SCCPDH: variants seen among roughly 807,000 people sequenced by gnomAD.
The protein encoded by SCCPDH is saccharopine dehydrogenase-like oxidoreductase.
SCCPDH carries 34 observed loss-of-function variants against 51.5 expected under a neutral mutation model. The ratio of observed to expected loss-of-function variants is 0.66; its 90% CI spans 0.50 to 0.88. SCCPDH has a LOEUF of 0.88. SCCPDH is among the 40% of genes least tolerant of loss of function. The pLI, the probability that SCCPDH is intolerant of heterozygous loss-of-function variation, is 0.00. For synonymous variants in SCCPDH, 187 were observed against 191.3 expected (o/e 0.98, Z 0.19); for missense variants, 464 against 527.1 (o/e 0.88, Z 1.17).
At chr1:246,754,780 G>T (rs1433811878) in intron 5 of SCCPDH, among the ~76,000 whole-genome samples, 2 of 152,178 alleles carry the variant, frequency 1.3e-5, no homozygotes, top group Non-Finnish European at 2.9e-5. Context: ...CTATAAGGTT[G>T]GTAATAATGT....
At chr1:246,735,035 C>T (rs775824385) in intron 2 of SCCPDH, among the ~76,000 whole-genome samples, 9 of 152,170 alleles carry the variant, frequency 5.9e-5, no homozygotes, top group Non-Finnish European at 1.0e-4. Flanking sequence ...TTCTTGGCCC[C>T]CATGTCCAGC....
chr1:246,733,491 T>C (rs1449739003), intron 2 of SCCPDH, among the ~76,000 whole-genome samples: 3 of 148,870 alleles, frequency 2.0e-5, no homozygotes, highest in East Asian at 2.0e-4. Context: ...TCATATTTTA[T>C]ACACACACAC....
intron 9 of SCCPDH, among the ~76,000 whole-genome samples, chr1:246,762,928 G>T (rs1235179969): frequency 6.6e-6 from 1 of 151,430 alleles, no homozygotes; most frequent in Non-Finnish European, 1.5e-5. Context: ...TTCTGATTCA[G>T]TAGGTCTGGA....
At chr1:246,761,011 C>G (rs1331916709) in intron 9 of SCCPDH, among the ~76,000 whole-genome samples, 1 of 152,184 alleles carries the variant, frequency 6.6e-6, no homozygotes, top group African/African-American at 2.4e-5. Flanking sequence ...CCTCAAATTC[C>G]TACTCTCAGA....
At chr1:246,734,304 G>T (rs1668538015) in intron 2 of SCCPDH, among the ~76,000 whole-genome samples, 1 of 152,194 alleles carries the variant, frequency 6.6e-6, no homozygotes, top group African/African-American at 2.4e-5. Context: ...AAAGCATATG[G>T]AGCTTCAACT....
chr1:246,742,064 CAAAT>C lies in SCCPDH; in HGVS notation c.514+1764_514+1767del, dbSNP rs568161557. Reference sequence around the variant, plus strand: ...AGCCTGGGCGATGGAGACTCCGTCTCAAATGAATGAATGAATGAATGAACGAATG... The same window carrying C: ...AGCCTGGGCGATGGAGACTCCGTCTCGAATGAATGAATGAATGAACGAATG... On this transcript the variant is annotated intron_variant, in intron 4 of 11. Coordinates refer to ENST00000366510, the MANE Select transcript of SCCPDH (RefSeq NM_016002.3). Among the ~76,000 whole-genome samples, 1,185 of 152,224 alleles carry C rather than the reference CAAAT, an allele frequency of 7.8e-3. 11 individuals are homozygous for C. Among genetic ancestry groups the C allele is most frequent in the Middle Eastern group, 0.017 (5 of 294 alleles).
In SCCPDH at chr1:246,724,534, TC is replaced by T; in HGVS notation, c.115del (p.Arg39AlafsTer23). 6.5e-7 allele frequency: 1 copy of T among 1,540,962 alleles called. No homozygotes were observed. The highest frequency in any genetic ancestry group is 8.7e-7 in the Non-Finnish European group (1 of 1,146,394). ...GGAGCAGGTGGACCCGGAGCGGAGC[TC>T]CCGCCTGCCCTGGGCCGTGGCGGGC... The part of the protein sequence containing the change: ...AREQVDPERS[S>X]RLPWAVAGRS... On this transcript the variant is annotated frameshift_variant, in exon 1 of 12. Coordinates refer to ENST00000366510, the MANE Select transcript of SCCPDH (RefSeq NM_016002.3). LOFTEE classifies it high-confidence loss of function.
chr1:246,748,863 T>C (rs116717877), intron 5 of SCCPDH, among the ~76,000 whole-genome samples: 1,672 of 152,266 alleles, frequency 0.011, 27 homozygotes, highest in African/African-American at 0.039. Context: ...ACTTGCAGAA[T>C]ACCCAGCAAT....
chr1:246,758,775 G>A (rs1383181129), intron 6 of SCCPDH, among the ~76,000 whole-genome samples: 1 of 151,618 alleles, frequency 6.6e-6, no homozygotes, highest in Non-Finnish European at 1.5e-5. Context: ...TATGTGAGAA[G>A]TTTAGAGGTA....
At chr1:246,752,969 CTCTG>C (rs1263896500) in intron 5 of SCCPDH, among the ~76,000 whole-genome samples, 1 of 151,066 alleles carries the variant, frequency 6.6e-6, no homozygotes, top group African/African-American at 2.4e-5. Context: ...TCGTCTGTGT[CTCTG>C]TCTCTCTCTC....
chr1:246,739,039 G>A (rs1668639889), intron 3 of SCCPDH, among the ~76,000 whole-genome samples: 2 of 152,116 alleles, frequency 1.3e-5, no homozygotes, highest in Admixed American at 1.3e-4. Context: ...GTGTGCATGA[G>A]CAAGTGTGTG....
At chr1:246,750,114 C>T (rs1204845677) in intron 5 of SCCPDH, among the ~76,000 whole-genome samples, 6 of 152,096 alleles carry the variant, frequency 3.9e-5, no homozygotes, top group African/African-American at 7.2e-5. Context: ...TTCTGCTGTT[C>T]GAACCGCGGT....
intron 2 of SCCPDH, among the ~76,000 whole-genome samples, chr1:246,731,136 G>A (rs908274828): frequency 1.3e-5 from 2 of 152,168 alleles, no homozygotes; most frequent in African/African-American, 4.8e-5. Flanking sequence ...GGCCTCACAG[G>A]GGAGAAGTGT....
rs769020383 is a variant in SCCPDH, at chr1:246,744,136, T to C, written c.564+11T>C. 2.3e-5 allele frequency: 36 copies of C among 1,558,066 alleles called. No individual in the cohort carries two copies. In the South Asian group the frequency reaches 3.8e-4, roughly 17 times the overall value. On this transcript the variant is annotated intron_variant, in intron 5 of 11. Transcript: ENST00000366510. Reference sequence around the variant, plus strand: ...CATTCAGGACCTGAGGTTGGTTTTTTGGTTTGTCTTGTGTTGTTTCAAGTT... The same window carrying C: ...CATTCAGGACCTGAGGTTGGTTTTTCGGTTTGTCTTGTGTTGTTTCAAGTT...
intron 4 of SCCPDH, among the ~76,000 whole-genome samples, chr1:246,743,804 A>G (rs1244934799): frequency 6.6e-6 from 1 of 152,188 alleles, no homozygotes; most frequent in Non-Finnish European, 1.5e-5. Flanking sequence ...TGTGAATTGA[A>G]TATCTTCAAA....
chr1:246,745,879 C>T (rs892839682), intron 5 of SCCPDH, among the ~76,000 whole-genome samples: 1 of 151,768 alleles, frequency 6.6e-6, no homozygotes, highest in Non-Finnish European at 1.5e-5. Context: ...GAGGCCGAGG[C>T]GGGCAGATCA....
Position 246,741,094 on chromosome 1 carries a change from GCAAAAAAA to G in SCCPDH, c.514+808_514+815del, listed in dbSNP as rs528149051. Among the ~76,000 whole-genome samples the G allele has an allele frequency of 4.2e-4, 63 of 151,144 alleles. 3 individuals are homozygous for G. In the South Asian group the frequency reaches 9.6e-3, roughly 23 times the overall value. ...GTGAGACCTTGTCTCTTAGAAAAAAGCAAAAAAACAAAAAAACAAAAACAAAAAACAAA... is the reference window on the plus strand; with the variant it reads ...GTGAGACCTTGTCTCTTAGAAAAAAGCAAAAAAACAAAAACAAAAAACAAA... On this transcript the variant is annotated intron_variant, in intron 4 of 11. Coordinates refer to ENST00000366510, the MANE Select transcript of SCCPDH (RefSeq NM_016002.3).
chr1:246,728,535 G>A (rs1444862149), intron 2 of SCCPDH, among the ~76,000 whole-genome samples: 4 of 152,148 alleles, frequency 2.6e-5, no homozygotes, highest in East Asian at 1.9e-4. Flanking sequence ...GTTTACAAAC[G>A]TTGTGTGGTG....
At chr1:246,760,146 A>G in intron 8 of SCCPDH, 25 bp from the exon 9 acceptor site, 1 of 1,596,802 alleles carries the variant, frequency 6.3e-7, no homozygotes, top group South Asian at 1.2e-5. Context: ...AAAAAATATC[A>G]CTGACGGTTT....
Sources: allele counts gnomAD v4.1 joint callset (sites outside exome capture counted in the v4.1 genomes callset), GRCh38; gene constraint gnomAD v4.1.1; transcripts MANE v1.5; gene names NCBI Gene and HGNC (gene_info 2026-07-23, HGNC 2026-07-21).